Variants in ADGRG2 observed in about 807,000 individuals in gnomAD.
The protein encoded by ADGRG2 is G protein-coupled receptor 64.
ADGRG2 carries 26 observed loss-of-function variants against 74.1 expected under a neutral mutation model. That is an observed-to-expected ratio of 0.35 (90% CI 0.26 to 0.49). ADGRG2 has a LOEUF of 0.49. Among genes scored for constraint, ADGRG2 ranks in the 20% least tolerant of loss-of-function variants. The probability of loss-of-function intolerance (pLI) is 0.99; values close to 1 mark genes in which losing one functional copy is unlikely to be tolerated. For missense variants in ADGRG2, 619 were observed against 763.1 expected, an observed-to-expected ratio of 0.81 and a Z score of 2.22; for synonymous variants, 296 against 295.2, an observed-to-expected ratio of 1.00 and a Z score of -0.03.
intron 18 of ADGRG2, among the ~76,000 whole-genome samples, chrX:19,009,129 C>T (rs1166850571): frequency 9.0e-6 from 1 of 110,693 alleles, no homozygotes; most frequent in Non-Finnish European, 1.9e-5. Flanking sequence ...AAAGGGTTAA[C>T]GCAAGGTGTA....
rs149652138 is a variant in ADGRG2 at position 19,024,850 on chromosome X, G to A, written c.471-902C>T. On this transcript the variant is annotated intron_variant, in intron 11 of 28. Transcript: ENST00000379869. ...TCAAGCTGGCAGGAGCCATTCCTCC[G>A]TAACTGTGCTCAGAGACCACCTCCT... Among the ~76,000 whole-genome samples the A allele has an allele frequency of 8.7e-3, 980 of 112,433 alleles. 8 individuals carry two copies. Among genetic ancestry groups the A allele is most frequent in the African/African-American group, 0.03 (936 of 30,976 alleles).
At chrX:19,053,313 C>G (rs1451573381) in intron 3 of ADGRG2, among the ~76,000 whole-genome samples, 1 of 111,107 alleles carries the variant, frequency 9.0e-6, no homozygotes, top group Middle Eastern at 4.2e-3. Flanking sequence ...AAGAGAGGTT[C>G]AACAGATCCT....
intron 1 of ADGRG2, among the ~76,000 whole-genome samples, chrX:19,110,164 A>G (rs187984511): frequency 1.3e-4 from 15 of 111,920 alleles, no homozygotes; most frequent in African/African-American, 4.9e-4. Context: ...CACTGGGGGT[A>G]AAGATGTGGA....
In ADGRG2 at chrX:19,006,024, A is replaced by G; in HGVS notation, c.1817T>C (p.Leu606Pro). 1 of 1,203,019 alleles carries G rather than the reference A, an allele frequency of 8.3e-7. No homozygotes were observed. The highest frequency in any genetic ancestry group is 1.1e-6 in the Non-Finnish European group (1 of 887,641). ...TACCAGCAGAACGCCGAAGCTTGTT[A>G]GATGGCTACAGGTACAGATGGTTTC... ...LNETICTCSH[L>P]TSFGVLLDLS... The change falls in exon 22 of 29, where the codon CTA (leucine) becomes CCA (proline). Residue 606 changes from leucine to proline, a missense_variant. Around this residue, in one of 3 missense-constraint regions of ADGRG2, gnomAD observed 221 missense variants for 340.6 expected, o/e 0.65. Transcript: ENST00000379869.
chrX:19,041,831 C>A (rs1166571358), intron 3 of ADGRG2, among the ~76,000 whole-genome samples: 1 of 111,715 alleles, frequency 9.0e-6, no homozygotes, highest in African/African-American at 3.3e-5. Context: ...GTTTTTGAGA[C>A]AGGGTCTCAC....
intron 3 of ADGRG2, among the ~76,000 whole-genome samples, chrX:19,066,709 C>A (rs910198510): frequency 9.1e-6 from 1 of 110,358 alleles, no homozygotes; most frequent in Admixed American, 9.7e-5. Flanking sequence ...AATGATCCTC[C>A]CTCCTCAGCC....
intron 25 of ADGRG2, 49 bp downstream of exon 25, chrX:18,999,794 CTCCGTTTTCTAGGAGCAT>C: frequency 1.5e-6 from 1 of 658,850 alleles, no homozygotes; most frequent in Non-Finnish European, 2.5e-6. Flanking sequence ...TGATTAGATC[CTCCGTTTTCTAGGAGCAT>C]TCCGTTTTCC....
At chrX:19,032,353 T>C (rs1315718344) in intron 8 of ADGRG2, 1 of 111,866 alleles carries the variant, frequency 8.9e-6, no homozygotes, top group African/African-American at 3.2e-5. Flanking sequence ...TATACTTGCT[T>C]ATAGATAGAA....
Position 18,991,178 on chromosome X carries a change from T to C in ADGRG2, c.2870-130A>G, listed in dbSNP as rs892198894. The C allele has an allele frequency of 8.4e-6, 3 of 358,093 alleles. No homozygotes were observed. The Admixed American group carries it at 1.6e-4, about 19-fold the overall frequency. 29.5% of individuals were successfully genotyped at this position (358,093 alleles called of 1,213,427 possible). ...TATGTTTTTAAAAACATTTGTGATA[T>C]ATGTTCATATTTTATTTATTTTTCA... On this transcript the variant is annotated intron_variant, in intron 28 of 28. Coordinates refer to ENST00000379869, the MANE Select transcript of ADGRG2 (RefSeq NM_001079858.3).
At chrX:18,998,556 A>G (rs780137299) in intron 26 of ADGRG2, among the ~76,000 whole-genome samples, 72 of 107,507 alleles carry the variant, frequency 6.7e-4, no homozygotes, top group African/African-American at 2.3e-3. Context: ...TAAATAAGCT[A>G]CTTTGCATAT....
In ADGRG2 at chrX:18,990,725, C is replaced by T. The variant is rs2059906928; in HGVS notation, c.*139G>A. 1 of 404,188 alleles carries T rather than the reference C, an allele frequency of 2.5e-6. No homozygotes were observed. The allele number at this position is 404,188 out of a possible 1,213,427, so 33.3% of individuals were successfully genotyped here. A position where few individuals can be genotyped will look rare whatever the true frequency, so the allele number is the denominator to read the frequency against. ...GGTTTCTTCTTGTAATAATAATCAT[C>T]GCCCTTAATTAGCTTATGCTTCTCC... On this transcript the variant is annotated 3_prime_UTR_variant, in exon 29 of 29. Coordinates refer to ENST00000379869, the MANE Select transcript of ADGRG2 (RefSeq NM_001079858.3).
At chrX:19,122,537 C>T (rs2062628193), upstream of ADGRG2, 1 of 110,103 alleles carries the variant, frequency 9.1e-6, no homozygotes, top group Admixed American at 9.5e-5. Flanking sequence ...CCCGCGGCCT[C>T]GGCGCCGCCC....
intron 9 of ADGRG2, 117 bp from the exon 10 acceptor site, chrX:19,028,355 A>T: frequency 2.7e-6 from 1 of 371,238 alleles, no homozygotes; most frequent in Non-Finnish European, 4.7e-6. Flanking sequence ...TTTTATTCAC[A>T]TTTACTTTGT....
At chrX:19,010,117 G>GT (rs1156836979) in intron 17 of ADGRG2, among the ~76,000 whole-genome samples, 4 of 97,637 alleles carry the variant, frequency 4.1e-5, no homozygotes, top group Admixed American at 2.2e-4. Context: ...CCTTGTTTTT[G>GT]TTTTTGTTTT....
At chrX:19,117,925 C>T (rs1286943402) in intron 1 of ADGRG2, among the ~76,000 whole-genome samples, 1 of 109,456 alleles carries the variant, frequency 9.1e-6, no homozygotes, top group Admixed American at 9.8e-5. Flanking sequence ...GATCCTAAAC[C>T]TCTTAGGCTT....
At chrX:19,095,321 G>A (rs1196350140) in intron 1 of ADGRG2, among the ~76,000 whole-genome samples, 1 of 111,359 alleles carries the variant, frequency 9.0e-6, no homozygotes, top group Non-Finnish European at 1.9e-5. Context: ...ACTTGCCACT[G>A]TACCCCAAAG....
At chrX:19,029,722 C>A (rs1378146509) in intron 9 of ADGRG2, among the ~76,000 whole-genome samples, 1 of 106,837 alleles carries the variant, frequency 9.4e-6, no homozygotes. Context: ...GTTCAATTTT[C>A]AAACAGTTAT....
At chrX:19,105,312 G>A (rs1371408859) in intron 1 of ADGRG2, among the ~76,000 whole-genome samples, 1 of 111,906 alleles carries the variant, frequency 8.9e-6, no homozygotes, top group Admixed American at 9.5e-5. Flanking sequence ...TATACACAAG[G>A]CCATCAGCAG....
At chrX:18,997,306 T>C (rs182311227) in intron 26 of ADGRG2, among the ~76,000 whole-genome samples, 1 of 111,993 alleles carries the variant, frequency 8.9e-6, no homozygotes, top group East Asian at 2.8e-4. Context: ...GTTAGTTTCC[T>C]TGTATAGATG....
Sources: allele counts gnomAD v4.1 joint callset (sites outside exome capture counted in the v4.1 genomes callset), GRCh38; gene constraint gnomAD v4.1.1; regional missense constraint gnomAD v4.1.1; transcripts MANE v1.5; gene names NCBI Gene and HGNC (gene_info 2026-07-23, HGNC 2026-07-21).